The following PCDHGA1 variants were observed in gnomAD, a reference collection of about 807,000 sequenced individuals.
The protein encoded by PCDHGA1 is protocadherin gamma subfamily A, 1.
In PCDHGA1, 32 loss-of-function variants were observed where a neutral mutation model predicts 58.0. The observed-to-expected ratio is 0.55, with a 90% CI of 0.42 to 0.74. PCDHGA1 has a LOEUF of 0.74. Ranked by LOEUF, PCDHGA1 falls within the 30% of genes least tolerant of loss-of-function variation. PCDHGA1 has a pLI of 0.00. For synonymous variants in PCDHGA1, 498 were observed against 501.1 expected (o/e 0.99, Z 0.08); for missense variants, 1,205 against 1,182.3 (o/e 1.02, Z -0.28).
rs1414795207 is a variant in PCDHGA1 at position 141,393,033 on chromosome 5, C to T, written c.2421+59928C>T. On this transcript the variant is annotated intron_variant, in intron 1 of 3. Transcript: ENST00000517417. ...TATCGTCTCCAGAGGTAGGACGCAG[C>T]TCTTTGCTCTGAACCCGCGCAGCGG... is the stretch of plus-strand genomic sequence containing the variant. 4.3e-6 allele frequency: 7 copies of T among 1,613,782 alleles called. No individual in the cohort carries two copies. The highest frequency in any genetic ancestry group is 4.0e-5 in the African/African-American group (3 of 75,052).
Position 141,409,958 on chromosome 5 carries a change from T to C in PCDHGA1, c.2421+76853T>C. ...GGTACCTCGCTCTGCAGAGCCCGGC[T>C]ACCTAGTGACTAAGGTGGTAGCGGT... On this transcript the variant is annotated intron_variant, in intron 1 of 3. Transcript: ENST00000517417. 6.2e-7 allele frequency: 1 copy of C among 1,613,394 alleles called. No individual in the cohort carries two copies.
chr5:141,373,925 G>A, intron 1 of PCDHGA1: 1 of 660,678 alleles, frequency 1.5e-6, no homozygotes, highest in Non-Finnish European at 2.3e-6. Context: ...CAAATTAGAC[G>A]GGAAAGCAGG....
intron 1 of PCDHGA1, chr5:141,364,402 C>A: frequency 6.2e-7 from 1 of 1,607,318 alleles, no homozygotes; most frequent in Non-Finnish European, 8.5e-7. Flanking sequence ...GGACGCTGTG[C>A]GAGCCAGGAT....
rs774898388 is a variant in PCDHGA1, at chr5:141,491,593, A to G, written c.2422-3214A>G. 6.8e-6 allele frequency: 11 copies of G among 1,613,918 alleles called. No individual in the cohort carries two copies. In the Admixed American group the frequency reaches 1.2e-4, roughly 17 times the overall value. Reference sequence around the variant, plus strand: ...GTGCTTTTCACCGGCCTCGGACGGCAGTGACTTCACTTTTCTAAGACCCCT... The same window carrying G: ...GTGCTTTTCACCGGCCTCGGACGGCGGTGACTTCACTTTTCTAAGACCCCT... On this transcript the variant is annotated intron_variant, in intron 1 of 3. Transcript: ENST00000517417. This position sits in a 1 kb window ranked among gnomAD's most constrained non-coding sequence, Gnocchi z 6.9.
intron 1 of PCDHGA1, among the ~76,000 whole-genome samples, chr5:141,449,056 G>A (rs149442150): frequency 6.6e-6 from 1 of 152,068 alleles, no homozygotes; most frequent in African/African-American, 2.4e-5. Flanking sequence ...TCATAAATGA[G>A]CGCTATTGAA....
rs762414791 is a variant in PCDHGA1 at position 141,418,601 on chromosome 5, A to G, written c.2422-76206A>G. The G allele has an allele frequency of 3.5e-5, 57 of 1,613,930 alleles. No individual in the cohort carries two copies. The highest frequency in any genetic ancestry group is 1.7e-6 in the Non-Finnish European group (2 of 1,179,902). On this transcript the variant is annotated intron_variant, in intron 1 of 3. Coordinates refer to ENST00000517417, the MANE Select transcript of PCDHGA1 (RefSeq NM_018912.3). ...CCCAGTGTTCAGCCAGGACGTGTAC[A>G]GGGTTAGCCTTCGGGAAGACGTGCC...
chr5:141,384,154 A>G, intron 1 of PCDHGA1: 3 of 1,613,512 alleles, frequency 1.9e-6, no homozygotes, highest in Non-Finnish European at 2.5e-6. Flanking sequence ...CTCTTTGTAT[A>G]ACATCACACT....
intron 1 of PCDHGA1, chr5:141,393,662 A>G (rs1442061423): frequency 6.2e-7 from 1 of 1,613,816 alleles, no homozygotes; most frequent in African/African-American, 1.3e-5. Context: ...AATTCCGGAA[A>G]ATTAATGAAA....
intron 1 of PCDHGA1, chr5:141,390,229 C>T (rs781367582): frequency 6.2e-7 from 1 of 1,614,056 alleles, no homozygotes; most frequent in South Asian, 1.1e-5. Flanking sequence ...TGCGGTGATT[C>T]ATCTGGGGCC....
Position 141,432,691 on chromosome 5 carries a change from G to T in PCDHGA1, c.2422-62116G>T. 1 of 1,613,942 alleles carries T rather than the reference G, an allele frequency of 6.2e-7. No individual in the cohort carries two copies. The highest frequency in any genetic ancestry group is 1.1e-5 in the South Asian group (1 of 91,068). On this transcript the variant is annotated intron_variant, in intron 1 of 3. Coordinates refer to ENST00000517417, the MANE Select transcript of PCDHGA1 (RefSeq NM_018912.3). This position sits in a 1 kb window ranked among gnomAD's most constrained non-coding sequence, Gnocchi z 6.0. ...ACGCGCTCAAGCAGAGCCTCGTAGT[G>T]GCCGTCCAGGACCACGGCCAGCCCC... is the stretch of plus-strand genomic sequence containing the variant.
In PCDHGA1 at chr5:141,350,943, G is replaced by C. The variant is rs542251559; in HGVS notation, c.2421+17838G>C. The C allele has an allele frequency of 3.7e-6, 6 of 1,614,070 alleles. No homozygotes were observed. In the African/African-American group the frequency reaches 5.3e-5, roughly 14 times the overall value. On this transcript the variant is annotated intron_variant, in intron 1 of 3. Transcript: ENST00000517417. ...AGCGGCACCACCCATATCTGGATCC[G>C]AGTTACGGATGCCAATGATAATGCT...
Position 141,350,577 on chromosome 5 carries a change from T to C in PCDHGA1, c.2421+17472T>C, listed in dbSNP as rs748844855. The C allele has an allele frequency of 3.8e-5, 62 of 1,613,926 alleles. No homozygotes were observed. The Admixed American group carries it at 1.0e-3, about 27-fold the overall frequency. ...GAGTGTGCACTAGAATTCGAAACGGTCGCTGAAAACCCAATGAATGTTTTC... is the reference window on the plus strand; with the variant it reads ...GAGTGTGCACTAGAATTCGAAACGGCCGCTGAAAACCCAATGAATGTTTTC... On this transcript the variant is annotated intron_variant, in intron 1 of 3. Transcript: ENST00000517417.
intron 1 of PCDHGA1, chr5:141,396,033 C>T (rs191318626): frequency 1.3e-5 from 2 of 152,280 alleles, no homozygotes; most frequent in East Asian, 3.9e-4. Context: ...TATGTAAGAA[C>T]ATATTTCAAT....
In PCDHGA1 at chr5:141,344,635, A is replaced by G; in HGVS notation, c.2421+11530A>G. 1.2e-6 allele frequency: 2 copies of G among 1,613,952 alleles called. 1 individual carries two copies. The highest frequency in any genetic ancestry group is 3.3e-4 in the Middle Eastern group (2 of 6,062). ...GAGCTGGTGCTGGAGCGGGCCCTGG[A>G]CCGTGAGAAAAAAGAAATTCACCAG... On this transcript the variant is annotated intron_variant, in intron 1 of 3. Transcript: ENST00000517417.
intron 1 of PCDHGA1, chr5:141,408,522 A>C: frequency 1.2e-6 from 2 of 1,614,026 alleles, no homozygotes; most frequent in Non-Finnish European, 1.7e-6. Flanking sequence ...TTGCAATTGG[A>C]AGCTGTGGTG....
At chr5:141,366,284 C>T in intron 1 of PCDHGA1, 1 of 1,613,714 alleles carries the variant, frequency 6.2e-7, no homozygotes, top group Non-Finnish European at 8.5e-7. Context: ...CCATGGCCAG[C>T]CCCCTCTGTC....
intron 1 of PCDHGA1, among the ~76,000 whole-genome samples, chr5:141,353,878 T>G (rs1348721823): frequency 6.6e-6 from 1 of 152,244 alleles, no homozygotes; most frequent in Non-Finnish European, 1.5e-5. Flanking sequence ...TCTCAAAGTC[T>G]GAGGGTTTTT....
chr5:141,341,169 C>T lies in PCDHGA1; in HGVS notation c.2421+8064C>T, dbSNP rs771372652. On this transcript the variant is annotated intron_variant, in intron 1 of 3. Coordinates refer to ENST00000517417, the MANE Select transcript of PCDHGA1 (RefSeq NM_018912.3). The stretch of plus-strand genomic sequence containing the variant: ...CTGCAGGCTTCAGGAGGCAGCTTGA[C>T]AGGCATGCAGAGCTCGCACTTTGTG... 2 of 1,614,196 alleles carry T rather than the reference C, an allele frequency of 1.2e-6. No individual in the cohort carries two copies. Among genetic ancestry groups the T allele is most frequent in the Non-Finnish European group, 1.7e-6 (2 of 1,180,010 alleles).
At chr5:141,385,409 T>C in intron 1 of PCDHGA1, 1 of 1,478,112 alleles carries the variant, frequency 6.8e-7, no homozygotes, top group South Asian at 1.4e-5. Context: ...GTTTTGAAAA[T>C]AGGGATTTAA....
Sources: allele counts gnomAD v4.1 joint callset (sites outside exome capture counted in the v4.1 genomes callset), GRCh38; gene constraint gnomAD v4.1.1; non-coding constraint Gnocchi (gnomAD v3.1); transcripts MANE v1.5; gene names NCBI Gene and HGNC (gene_info 2026-07-23, HGNC 2026-07-21).